Variants in PPP1R9A observed in about 807,000 individuals in gnomAD.
PPP1R9A encodes the protein protein phosphatase 1 regulatory subunit 9A, also known as neurabin-1.
PPP1R9A carries 59 observed loss-of-function variants against 141.9 expected under a neutral mutation model. The ratio of observed to expected loss-of-function variants is 0.42; its 90% CI spans 0.34 to 0.52. The LOEUF is 0.52. PPP1R9A is among the 20% of genes least tolerant of loss of function. The pLI is 0.10. For synonymous variants in PPP1R9A, 500 were observed against 569.7 expected (o/e 0.88, Z 1.74); for missense variants, 1,444 against 1,611.9 (o/e 0.90, Z 1.78).
At chr7:94,943,693 G>A (rs760543689) in intron 2 of PPP1R9A, among the ~76,000 whole-genome samples, 8 of 152,134 alleles carry the variant, frequency 5.3e-5, no homozygotes, top group Non-Finnish European at 1.2e-4. Flanking sequence ...TGGGAGATGG[G>A]ATGGAGATAT....
At chr7:94,982,552 G>C (rs569994164) in intron 2 of PPP1R9A, among the ~76,000 whole-genome samples, 4 of 152,272 alleles carry the variant, frequency 2.6e-5, no homozygotes, top group African/African-American at 9.6e-5. Flanking sequence ...TTGTGGTTTT[G>C]ATTTGCATTT....
chr7:95,079,494 G>A (rs562097448), intron 2 of PPP1R9A, among the ~76,000 whole-genome samples: 4 of 151,720 alleles, frequency 2.6e-5, no homozygotes, highest in South Asian at 2.1e-4. Context: ...ATTCACAGCC[G>A]AATTCTACCA....
chr7:95,232,702 G>A (rs1238250489), intron 8 of PPP1R9A, among the ~76,000 whole-genome samples: 1 of 151,982 alleles, frequency 6.6e-6, no homozygotes, highest in Non-Finnish European at 1.5e-5. Flanking sequence ...TCAAAAAGTG[G>A]GCTAAGGATA....
intron 2 of PPP1R9A, among the ~76,000 whole-genome samples, chr7:95,092,112 C>T (rs183765927): frequency 5.8e-4 from 88 of 152,272 alleles, no homozygotes; most frequent in African/African-American, 2.1e-3. Context: ...CATTTTTGAA[C>T]AGAATTGAAG....
At chr7:95,197,949 C>T (rs1275458880) in intron 5 of PPP1R9A, among the ~76,000 whole-genome samples, 1 of 152,168 alleles carries the variant, frequency 6.6e-6, no homozygotes, top group Non-Finnish European at 1.5e-5. Flanking sequence ...GAGCCCAGCC[C>T]TCAAAATGTT....
chr7:94,958,521 TC>T (rs1797297990), intron 2 of PPP1R9A, among the ~76,000 whole-genome samples: 1 of 152,074 alleles, frequency 6.6e-6, no homozygotes, highest in Admixed American at 6.6e-5. Flanking sequence ...CCTTCTTTTT[TC>T]TTTTTTGCTT....
chr7:94,975,356 G>GTTTTTTTTTTTTTT (rs68186534), intron 2 of PPP1R9A, among the ~76,000 whole-genome samples: 3 of 120,760 alleles, frequency 2.5e-5, no homozygotes, highest in African/African-American at 8.7e-5. Context: ...GTTTTTTTTT[G>GTTTTTTTTTTTTTT]TTTTTTTTTT....
intron 16 of PPP1R9A, among the ~76,000 whole-genome samples, chr7:95,282,326 T>A (rs1804413590): frequency 6.6e-6 from 1 of 151,988 alleles, no homozygotes; most frequent in South Asian, 2.1e-4. Flanking sequence ...AGCGAGACCC[T>A]GTCTCAAAAA....
intron 2 of PPP1R9A, among the ~76,000 whole-genome samples, chr7:94,984,144 C>T (rs1229115160): frequency 1.3e-5 from 2 of 151,990 alleles, no homozygotes; most frequent in African/African-American, 2.4e-5. Flanking sequence ...TATTGATTTG[C>T]GTATGTTGAA....
intron 2 of PPP1R9A, among the ~76,000 whole-genome samples, chr7:95,056,234 A>G (rs1323442865): frequency 2.6e-5 from 4 of 152,142 alleles, no homozygotes; most frequent in Non-Finnish European, 5.9e-5. Context: ...TGGTCCAAGA[A>G]GTTCTTATCT....
At chr7:95,271,644 T>G (rs534391180) in intron 14 of PPP1R9A, among the ~76,000 whole-genome samples, 4 of 152,250 alleles carry the variant, frequency 2.6e-5, no homozygotes, top group African/African-American at 7.2e-5. Context: ...ACAGTGAGAT[T>G]AAGGAGATGC....
intron 2 of PPP1R9A, among the ~76,000 whole-genome samples, chr7:95,014,493 A>G (rs10245293): frequency 0.077 from 11,692 of 152,060 alleles, 609 homozygotes; most frequent in African/African-American, 0.15. Context: ...ACACATTATA[A>G]AGATTTGTCC....
intron 5 of PPP1R9A, among the ~76,000 whole-genome samples, chr7:95,173,832 C>T (rs1167657993): frequency 6.6e-6 from 1 of 151,944 alleles, no homozygotes; most frequent in African/African-American, 2.4e-5. Context: ...CTACTGTACA[C>T]CTGCTAAAAA....
intron 4 of PPP1R9A, among the ~76,000 whole-genome samples, chr7:95,121,244 T>C (rs1404212082): frequency 6.6e-6 from 1 of 152,190 alleles, no homozygotes; most frequent in African/African-American, 2.4e-5. Context: ...TCTAATTCTG[T>C]ATTGATGGTA....
At chr7:95,217,739 T>A (rs140545574) in intron 7 of PPP1R9A, among the ~76,000 whole-genome samples, 1,845 of 152,276 alleles carry the variant, frequency 0.012, 35 homozygotes, top group African/African-American at 0.04. Flanking sequence ...TTCTTCTAGA[T>A]TTTCTAGTTT....
At chr7:95,039,863 A>G (rs1318145910) in intron 2 of PPP1R9A, among the ~76,000 whole-genome samples, 2 of 152,170 alleles carry the variant, frequency 1.3e-5, no homozygotes, top group Non-Finnish European at 2.9e-5. Flanking sequence ...AATGGCTAAC[A>G]ACTTTCTAAA....
rs1299246410 is a variant in PPP1R9A at position 95,292,373 on chromosome 7, G to T, written c.*2070G>T. 1 of 152,380 alleles carries T rather than the reference G, an allele frequency of 6.6e-6. No individual in the cohort carries two copies. The highest frequency in any genetic ancestry group is 1.5e-5 in the Non-Finnish European group (1 of 67,986). 9.4% of individuals were successfully genotyped at this position (152,380 alleles called of 1,614,324 possible). On this transcript the variant is annotated 3_prime_UTR_variant, in exon 20 of 20. Transcript: ENST00000433360. ...TTTTTGCCATTTTTGCTTATCTTTG[G>T]GAAAAAAGTGACCTGGATCACACTG...
intron 12 of PPP1R9A, among the ~76,000 whole-genome samples, chr7:95,253,217 G>T (rs186558966): frequency 2.0e-5 from 3 of 152,298 alleles, no homozygotes; most frequent in Admixed American, 2.0e-4. Flanking sequence ...CAGCAGGGTT[G>T]TCATGACAGG....
At chr7:95,097,005 T>A (rs1397557535) in intron 2 of PPP1R9A, among the ~76,000 whole-genome samples, 1 of 152,160 alleles carries the variant, frequency 6.6e-6, no homozygotes, top group Non-Finnish European at 1.5e-5. Flanking sequence ...GCCCTTATGT[T>A]GGTTACAATG....
Sources: allele counts gnomAD v4.1 joint callset (sites outside exome capture counted in the v4.1 genomes callset), GRCh38; gene constraint gnomAD v4.1.1; transcripts MANE v1.5; gene names NCBI Gene and HGNC (gene_info 2026-07-23, HGNC 2026-07-21).